OR9G1: variants seen among roughly 807,000 people sequenced by gnomAD.
OR9G1 encodes the protein olfactory receptor family 9 subfamily G member 1, also known as olfactory receptor 9G1.
OR9G1 carries 21 observed loss-of-function variants against 14.5 expected under a neutral mutation model. The observed-to-expected ratio is 1.45, with a 90% CI of 1.03 to 2.09. The LOEUF is 2.09. OR9G1 is among the 30% of genes most tolerant of loss of function. The probability of loss-of-function intolerance (pLI) is 0.00; values close to 1 mark genes in which losing one functional copy is unlikely to be tolerated. For synonymous variants in OR9G1, 179 were observed against 153.3 expected (o/e 1.17, Z -1.24); for missense variants, 476 against 364.2 (o/e 1.31, Z -2.50).
chr11:56,699,793 T>C (rs753794455), intron 1 of OR9G1, among the ~76,000 whole-genome samples: 73 of 152,412 alleles, frequency 4.8e-4, no homozygotes, highest in Non-Finnish European at 9.1e-4. Flanking sequence ...GTAAATACTG[T>C]GTACTTCGTA....
Position 56,701,136 on chromosome 11 carries a change from A to G in OR9G1, c.749A>G (p.Tyr250Cys), listed in dbSNP as rs1372499611. The G allele has an allele frequency of 1.2e-6, 2 of 1,614,318 alleles. No individual in the cohort carries two copies. Among genetic ancestry groups the G allele is most frequent in the Admixed American group, 1.7e-5 (1 of 60,038 alleles). The change falls in exon 2 of 2, where the codon TAC becomes TGC. Residue 250 changes from tyrosine (Y) to cysteine (C), a missense_variant. Tyr to Cys is a radical substitution (Grantham distance 194). Around this residue, in one of 3 missense-constraint regions of OR9G1, gnomAD observed 352 missense variants for 211.6 expected, o/e 1.66. Coordinates refer to ENST00000642097, the MANE Select transcript of OR9G1 (RefSeq NM_001005213.2). ...CSSHLTSVTL[Y>C]YGSILYIYAL... ...TCCCACCTGACCTCTGTCACTTTATACTATGGCTCCATTCTCTACATCTAC... is the reference window on the plus strand; with the variant it reads ...TCCCACCTGACCTCTGTCACTTTATGCTATGGCTCCATTCTCTACATCTAC...
At position 56,701,226 on chromosome 11, in the gene OR9G1, T is replaced by C; in HGVS notation, c.839T>C (p.Val280Ala). The change falls in exon 2 of 2, where the codon GTA (valine) becomes GCA (alanine). Residue 280 changes from valine to alanine, a missense_variant. This residue lies in a region of OR9G1 where 352 missense variants were observed against 211.6 expected (regional missense o/e 1.66). Coordinates refer to ENST00000642097, the MANE Select transcript of OR9G1 (RefSeq NM_001005213.2). ...DKIVSTFYTVVFPMLNLMIYS... is the reference protein window; with the variant it reads ...DKIVSTFYTVAFPMLNLMIYS... ...ATAGTTTCTACATTTTACACTGTGG[T>C]ATTCCCCATGTTGAATCTCATGATC... 6.2e-7 allele frequency: 1 copy of C among 1,614,284 alleles called. No homozygotes were observed. Among genetic ancestry groups the C allele is most frequent in the Non-Finnish European group, 8.5e-7 (1 of 1,180,040 alleles).
chr11:56,700,210 A>T (rs1857586714), intron 1 of OR9G1, among the ~76,000 whole-genome samples, 160 bp from the exon 2 acceptor site: 1 of 152,312 alleles, frequency 6.6e-6, no homozygotes, highest in South Asian at 2.1e-4. Context: ...TTGAATACAT[A>T]ATTGCAAAGC....
chr11:56,700,000 T>A (rs1857582091), intron 1 of OR9G1, among the ~76,000 whole-genome samples: 1 of 152,308 alleles, frequency 6.6e-6, no homozygotes, highest in African/African-American at 2.4e-5. Context: ...AAACTATATT[T>A]AAAAGAGGGA....
At position 56,700,466 on chromosome 11, in the gene OR9G1, T is replaced by C. The variant is rs1485583864; in HGVS notation, c.79T>C (p.Phe27Leu). The C allele has an allele frequency of 6.2e-7, 1 of 1,614,290 alleles. No individual in the cohort carries two copies. ...TTDPGMQLGLFVVFLGVYSLT... is the reference protein window; with the variant it reads ...TTDPGMQLGLLVVFLGVYSLT... ...AGACCCAGGAATGCAGCTGGGCCTCTTCGTGGTGTTCCTGGGCGTGTACTC... is the reference window on the plus strand; with the variant it reads ...AGACCCAGGAATGCAGCTGGGCCTCCTCGTGGTGTTCCTGGGCGTGTACTC... Residue 27 changes from phenylalanine to leucine, a missense_variant, in exon 2 of 2, where the codon TTC becomes CTC. Physicochemically the swap from Phe to Leu is conservative, Grantham distance 22 (BLOSUM62 0). Around this residue, in one of 3 missense-constraint regions of OR9G1, gnomAD observed 89 missense variants for 85.1 expected, o/e 1.05. Transcript: ENST00000642097.
At chr11:56,700,247 TA>T in intron 1 of OR9G1, 122 bp from the exon 2 acceptor site, 1 of 1,413,844 alleles carries the variant, frequency 7.1e-7, no homozygotes, top group Non-Finnish European at 9.3e-7. Flanking sequence ...GAAGACTTTC[TA>T]AAACAAACAA....
Position 56,700,748 on chromosome 11 carries a change from C to T in OR9G1, c.361C>T (p.Arg121Cys), listed in dbSNP as rs111278435. The change falls in exon 2 of 2, where the codon CGC becomes TGC. Residue 121 changes from arginine to cysteine, a missense_variant. By Grantham distance (180) the Arg-to-Cys change is radical. Around this residue, in one of 3 missense-constraint regions of OR9G1, gnomAD observed 35 missense variants for 67.6 expected, o/e 0.52. Transcript: ENST00000642097. The part of the protein sequence containing the change: ...CYLLAAVAYD[R>C]YVAISKPLLY... Reference sequence around the variant, plus strand: ...CCTGCTGGCTGCCGTGGCTTATGACCGCTACGTGGCCATCTCCAAGCCCCT... The same window carrying T: ...CCTGCTGGCTGCCGTGGCTTATGACTGCTACGTGGCCATCTCCAAGCCCCT... The T allele has an allele frequency of 9.5e-5, 154 of 1,614,198 alleles. No homozygotes were observed. The African/African-American group carries it at 1.1e-3, about 12-fold the overall frequency.
In OR9G1 at chr11:56,702,157, A is replaced by T. The variant is rs75472738; in HGVS notation, c.*852A>T. ...GAATATGTATGTACAGGTGTGATTC[A>T]ACAAAAGGATATTTCACTTAGCATA... is the stretch of plus-strand genomic sequence containing the variant. On this transcript the variant is annotated 3_prime_UTR_variant, in exon 2 of 2. Coordinates refer to ENST00000642097, the MANE Select transcript of OR9G1 (RefSeq NM_001005213.2). 3 of 151,888 alleles carry T rather than the reference A, an allele frequency of 2.0e-5. No homozygotes were observed. In the East Asian group the frequency reaches 5.8e-4, roughly 29 times the overall value. The allele number at this position is 151,888 out of a possible 1,614,324, so 9.4% of individuals were successfully genotyped here. A position where few individuals can be genotyped will look rare whatever the true frequency, so the allele number is the denominator to read the frequency against.
At chr11:56,699,539 A>G (rs2135016397) in intron 1 of OR9G1, among the ~76,000 whole-genome samples, 1 of 152,430 alleles carries the variant, frequency 6.6e-6, no homozygotes, top group African/African-American at 2.4e-5. Context: ...AAAATGACTT[A>G]GGTTAATGAG....
chr11:56,701,176 T>C lies in OR9G1; in HGVS notation c.789T>C (p.Ser263=). 16 of 1,614,312 alleles carry C rather than the reference T, an allele frequency of 9.9e-6. No homozygotes were observed. Among genetic ancestry groups the C allele is most frequent in the Non-Finnish European group, 1.4e-5 (16 of 1,180,056 alleles). The part of the protein sequence containing the change: ...SILYIYALPR[S]SYSFDMDKIV... The stretch of plus-strand genomic sequence containing the variant: ...TCTACATCTACGCTCTCCCCAGATC[T>C]AGCTATTCTTTTGATATGGACAAAA... The change falls in exon 2 of 2, where the codon TCT becomes TCC. Residue 263 remains serine, a synonymous_variant. Coordinates refer to ENST00000642097, the MANE Select transcript of OR9G1 (RefSeq NM_001005213.2).
Position 56,701,108 on chromosome 11 carries a change from T to G in OR9G1, c.721T>G (p.Ser241Ala), listed in dbSNP as rs1197500261. ...CTACCTCAAAGCCTTCTCCACATGC[T>G]CCTCCCACCTGACCTCTGTCACTTT... The part of the protein sequence containing the change: ...KGYLKAFSTC[S>A]SHLTSVTLYY... Residue 241 changes from serine (S) to alanine (A), a missense_variant, in exon 2 of 2, where the codon TCC becomes GCC. By Grantham distance (99) the Ser-to-Ala change is moderately conservative. Around this residue, in one of 3 missense-constraint regions of OR9G1, gnomAD observed 352 missense variants for 211.6 expected, o/e 1.66. Transcript: ENST00000642097. 1 of 1,614,312 alleles carries G rather than the reference T, an allele frequency of 6.2e-7. No homozygotes were observed.
At position 56,700,873 on chromosome 11, in the gene OR9G1, G is replaced by T; in HGVS notation, c.486G>T (p.Thr162=). The T allele has an allele frequency of 6.2e-7, 1 of 1,614,258 alleles. No homozygotes were observed. The highest frequency in any genetic ancestry group is 1.3e-5 in the African/African-American group (1 of 75,090). Residue 162 remains threonine, a synonymous_variant, in exon 2 of 2, where the codon ACG becomes ACT. Coordinates refer to ENST00000642097, the MANE Select transcript of OR9G1 (RefSeq NM_001005213.2). ...ACTCTTCAATCATCACCAAGAAAAC[G>T]TTTTCCTTTAACTTCTGCCGTGAAA... ...FINSSIITKK[T]FSFNFCRENI...
At position 56,701,369 on chromosome 11, in the gene OR9G1, AAC is replaced by A; in HGVS notation, c.*66_*67del. The A allele has an allele frequency of 6.5e-7, 1 of 1,527,446 alleles. No homozygotes were observed. Among genetic ancestry groups the A allele is most frequent in the South Asian group, 1.3e-5 (1 of 76,462 alleles). 94.6% of individuals were successfully genotyped at this position (1,527,446 alleles called of 1,614,324 possible). ...CTTAGATGGAGTGTTGTGTATTTCA[AAC>A]AGAGTTACCATTGTGCTTTATCGTG... On this transcript the variant is annotated 3_prime_UTR_variant, in exon 2 of 2. Transcript: ENST00000642097.
At position 56,700,657 on chromosome 11, in the gene OR9G1, C is replaced by T; in HGVS notation, c.270C>T (p.Ser90=). Residue 90 remains serine, a synonymous_variant, in exon 2 of 2, where the codon AGC becomes AGT. Transcript: ENST00000642097. ...TGACCTGCATCTCTGAAGACAAAAG[C>T]ATCTCCTTTGCTGGCTGCCTGTGTC... ...ILVTCISEDK[S]ISFAGCLCQF... 1.2e-6 allele frequency: 2 copies of T among 1,614,318 alleles called. No individual in the cohort carries two copies. The highest frequency in any genetic ancestry group is 1.3e-5 in the African/African-American group (1 of 75,090).
chr11:56,699,942 T>C (rs987699511), intron 1 of OR9G1, among the ~76,000 whole-genome samples: 1 of 152,300 alleles, frequency 6.6e-6, no homozygotes, highest in Non-Finnish European at 1.5e-5. Flanking sequence ...AATGCTTTCA[T>C]AATGTTTCAA....
intron 1 of OR9G1, among the ~76,000 whole-genome samples, chr11:56,700,097 G>A (rs1857584450): frequency 6.6e-6 from 1 of 152,308 alleles, no homozygotes; most frequent in African/African-American, 2.4e-5. Context: ...AAAGGAAGAG[G>A]ATCAAAGTAT....
rs1306094409 is a variant in OR9G1, at chr11:56,700,593, A to G, written c.206A>G (p.Asp69Gly). The change falls in exon 2 of 2, where the codon GAT (aspartate) becomes GGT (glycine). Residue 69 changes from aspartate (D) to glycine (G), a missense_variant. Physicochemically the swap from Asp to Gly is moderately conservative, Grantham distance 94. Around this residue, in one of 3 missense-constraint regions of OR9G1, gnomAD observed 89 missense variants for 85.1 expected, o/e 1.05. Coordinates refer to ENST00000642097, the MANE Select transcript of OR9G1 (RefSeq NM_001005213.2). The stretch of plus-strand genomic sequence containing the variant: ...TTCACTGGAAATCTGTCGTTTCTGG[A>G]TCTCTGGTATTCTTCTGTCTACACC... ...YFFTGNLSFL[D>G]LWYSSVYTPK... The G allele has an allele frequency of 1.9e-6, 3 of 1,614,190 alleles. No individual in the cohort carries two copies. The highest frequency in any genetic ancestry group is 2.5e-6 in the Non-Finnish European group (3 of 1,180,062).
At position 56,703,022 on chromosome 11, in the gene OR9G1, A is replaced by G. The variant is rs1402356038; in HGVS notation, c.*1717A>G. On this transcript the variant is annotated 3_prime_UTR_variant, in exon 2 of 2. Transcript: ENST00000642097. Reference sequence around the variant, plus strand: ...ACTGAAGCATTGTCTTTTACCCCATACATATATAAAATTATGGTTTATCAA... The same window carrying G: ...ACTGAAGCATTGTCTTTTACCCCATGCATATATAAAATTATGGTTTATCAA... 6.6e-6 allele frequency: 1 copy of G among 152,304 alleles called. No individual in the cohort carries two copies. The highest frequency in any genetic ancestry group is 2.4e-5 in the African/African-American group (1 of 41,488). 9.4% of individuals were successfully genotyped at this position (152,304 alleles called of 1,614,324 possible).
chr11:56,700,964 G>C lies in OR9G1; in HGVS notation c.577G>C (p.Gly193Arg). 6.2e-7 allele frequency: 1 copy of C among 1,607,304 alleles called. No individual in the cohort carries two copies. Residue 193 changes from glycine to arginine, a missense_variant, in exon 2 of 2, where the codon GGC becomes CGC. This residue lies in a region of OR9G1 where 352 missense variants were observed against 211.6 expected (regional missense o/e 1.66). Transcript: ENST00000642097. ...LVELACGEKG[G>R]YKIMMYFLLA... Reference sequence around the variant, plus strand: ...GGAGCTGGCCTGTGGCGAGAAGGGCGGCTATAAAATTATGATGTACTTCCT... The same window carrying C: ...GGAGCTGGCCTGTGGCGAGAAGGGCCGCTATAAAATTATGATGTACTTCCT...
Sources: allele counts gnomAD v4.1 joint callset (sites outside exome capture counted in the v4.1 genomes callset), GRCh38; gene constraint gnomAD v4.1.1; regional missense constraint gnomAD v4.1.1; transcripts MANE v1.5; gene names NCBI Gene and HGNC (gene_info 2026-07-23, HGNC 2026-07-21).